The following CENPQ variants were observed in gnomAD, a reference collection of about 807,000 sequenced individuals.
CENPQ encodes chromosome 6 open reading frame 139.
In CENPQ, 27 loss-of-function variants were observed where a neutral mutation model predicts 36.6. The ratio of observed to expected loss-of-function variants is 0.74; its 90% CI spans 0.54 to 1.02. The LOEUF (loss-of-function observed/expected upper bound fraction) is 1.02. CENPQ is among the 50% of genes least tolerant of loss of function. CENPQ has a pLI of 0.00. For synonymous variants in CENPQ, 101 were observed against 101.7 expected, an observed-to-expected ratio of 0.99 and a Z score of 0.04; for missense variants, 306 against 301.8, an observed-to-expected ratio of 1.01 and a Z score of -0.10.
chr6:49,487,168 A>AAAAAAAAAAAAAAGATGGTCCTGGGTTG (rs541811843), intron 6 of CENPQ, among the ~76,000 whole-genome samples: 1 of 72,214 alleles, frequency 1.4e-5, no homozygotes, highest in African/African-American at 4.7e-5. Context: ...AAAAAAAAAA[A>AAAAAAAAAAAAAAGATGGTCCTGGGTTG]ATAAAAAAAA....
intron 6 of CENPQ, among the ~76,000 whole-genome samples, chr6:49,484,354 C>A (rs1768527906): frequency 6.6e-6 from 1 of 152,230 alleles, no homozygotes; most frequent in Non-Finnish European, 1.5e-5. Flanking sequence ...GATTCTTGAT[C>A]ACTATGTTGT....
At chr6:49,479,236 A>G (rs1768372943) in intron 5 of CENPQ, among the ~76,000 whole-genome samples, 2 of 152,108 alleles carry the variant, frequency 1.3e-5, no homozygotes, top group Admixed American at 6.6e-5. Context: ...AATGCATCAA[A>G]CAAAGGTCTG....
intron 1 of CENPQ, among the ~76,000 whole-genome samples, chr6:49,466,855 T>C (rs1203403016): frequency 2.0e-5 from 3 of 152,182 alleles, no homozygotes; most frequent in Non-Finnish European, 4.4e-5. Flanking sequence ...AGATATACAG[T>C]TAATTAAGTG....
chr6:49,474,000 G>T (rs1768211676), intron 5 of CENPQ, among the ~76,000 whole-genome samples: 1 of 152,140 alleles, frequency 6.6e-6, no homozygotes, highest in South Asian at 2.1e-4. Flanking sequence ...TAATACAGGA[G>T]CACCCAGATT....
intron 5 of CENPQ, among the ~76,000 whole-genome samples, chr6:49,474,277 CCT>C (rs1443157060): frequency 1.3e-5 from 2 of 152,154 alleles, no homozygotes; most frequent in Admixed American, 6.5e-5. Context: ...GTGAAGCACT[CCT>C]CAGCAAATGC....
intron 6 of CENPQ, among the ~76,000 whole-genome samples, chr6:49,483,785 G>A (rs2501961): frequency 0.63 from 96,370 of 152,118 alleles, 30,762 homozygotes; most frequent in East Asian, 0.78. Flanking sequence ...CCCGGTTCCC[G>A]CTCGCGCCTC....
At chr6:49,476,855 C>G (rs1047158751) in intron 5 of CENPQ, among the ~76,000 whole-genome samples, 5 of 152,186 alleles carry the variant, frequency 3.3e-5, no homozygotes, top group Non-Finnish European at 5.9e-5. Context: ...AAACGCAAAT[C>G]AAAACCACAA....
At chr6:49,479,832 G>C (rs1464587544) in intron 5 of CENPQ, among the ~76,000 whole-genome samples, 1 of 152,172 alleles carries the variant, frequency 6.6e-6, no homozygotes, top group African/African-American at 2.4e-5. Flanking sequence ...AACACGGTTG[G>C]AGCTAGAGGT....
chr6:49,470,037 T>TAA (rs368380826), intron 1 of CENPQ, 122 bp from the exon 2 acceptor site: 1,000 of 399,838 alleles, frequency 2.5e-3, no homozygotes, highest in South Asian at 3.7e-3. Flanking sequence ...GATTTTTCTT[T>TAA]AAAAAAAAAA....
chr6:49,492,979 TAAG>T lies in CENPQ; in HGVS notation c.*705_*707del, dbSNP rs971057961. On this transcript the variant is annotated 3_prime_UTR_variant, in exon 9 of 9. Coordinates refer to ENST00000335783, the MANE Select transcript of CENPQ (RefSeq NM_018132.4). ...TATAAACCTTTTCTTATTATGATAA[TAAG>T]CTTATATATGTGAATAAGTTATAAC... The T allele has an allele frequency of 6.6e-6, 1 of 151,780 alleles. No individual in the cohort carries two copies. The highest frequency in any genetic ancestry group is 1.5e-5 in the Non-Finnish European group (1 of 67,904). The allele number at this position is 151,780 out of a possible 1,614,324, so 9.4% of individuals were successfully genotyped here. A position where few individuals can be genotyped will look rare whatever the true frequency, so the allele number is the denominator to read the frequency against.
chr6:49,478,524 G>C (rs1319648728), intron 5 of CENPQ, among the ~76,000 whole-genome samples: 1 of 151,904 alleles, frequency 6.6e-6, no homozygotes, highest in Admixed American at 6.6e-5. Flanking sequence ...TTAGTTTTCA[G>C]TTCTTACTAG....
In CENPQ at chr6:49,470,207, A is replaced by C; in HGVS notation, c.31A>C (p.Asn11His). MSGKANASKK[N>H]AQQLKRNPKR... ...TGGTAAAGCAAATGCTTCCAAGAAA[A>C]ACGCTCAACAGTTAAAAAGAAATCC... Residue 11 changes from asparagine to histidine, a missense_variant, in exon 2 of 9, where the codon AAC becomes CAC. Asn to His is a moderately conservative substitution (Grantham distance 68). Coordinates refer to ENST00000335783, the MANE Select transcript of CENPQ (RefSeq NM_018132.4). 1 of 1,611,296 alleles carries C rather than the reference A, an allele frequency of 6.2e-7. No individual in the cohort carries two copies. Among genetic ancestry groups the C allele is most frequent in the Non-Finnish European group, 8.5e-7 (1 of 1,178,362 alleles).
chr6:49,466,098 C>T (rs977321166), intron 1 of CENPQ, among the ~76,000 whole-genome samples: 23 of 152,220 alleles, frequency 1.5e-4, no homozygotes, highest in Admixed American at 1.3e-4. Flanking sequence ...ATCATTGTGT[C>T]TCAGGGAATA....
chr6:49,476,840 C>G (rs1204839233), intron 5 of CENPQ, among the ~76,000 whole-genome samples: 1 of 152,186 alleles, frequency 6.6e-6, no homozygotes, highest in Non-Finnish European at 1.5e-5. Context: ...CACTGGCCAT[C>G]AGAGAAACGC....
chr6:49,483,892 T>G (rs1415230726), intron 6 of CENPQ, among the ~76,000 whole-genome samples: 1 of 152,216 alleles, frequency 6.6e-6, no homozygotes, highest in Non-Finnish European at 1.5e-5. Flanking sequence ...GAAGGGCTCC[T>G]CAAGTGCCGC....
In CENPQ at chr6:49,493,051, C is replaced by G. The variant is rs1768764265; in HGVS notation, c.*776C>G. Reference sequence around the variant, plus strand: ...TTTCTAACAAACTACAGTATACTGTCTTGGGTTTTTTTTTTTTTTTTTAGT... The same window carrying G: ...TTTCTAACAAACTACAGTATACTGTGTTGGGTTTTTTTTTTTTTTTTTAGT... On this transcript the variant is annotated 3_prime_UTR_variant, in exon 9 of 9. Transcript: ENST00000335783. The G allele has an allele frequency of 9.7e-6, 1 of 103,270 alleles. No individual in the cohort carries two copies. The highest frequency in any genetic ancestry group is 3.2e-5 in the African/African-American group (1 of 30,842). 6.4% of individuals were successfully genotyped at this position (103,270 alleles called of 1,614,324 possible). A position where few individuals can be genotyped will look rare whatever the true frequency, so the allele number is the denominator to read the frequency against.
At position 49,466,465 on chromosome 6, in the gene CENPQ, G is replaced by A. The variant is rs778128376; in HGVS notation, c.-19+3012G>A. ...AATAAAGTGAAACACAATAAAAAGA[G>A]TTATGCCTGTACATTCTTACCCATA... On this transcript the variant is annotated intron_variant, in intron 1 of 8. Coordinates refer to ENST00000335783, the MANE Select transcript of CENPQ (RefSeq NM_018132.4). Among the ~76,000 whole-genome samples the A allele has an allele frequency of 1.3e-5, 2 of 152,204 alleles. 1 individual carries two copies. Among genetic ancestry groups the A allele is most frequent in the Non-Finnish European group, 2.9e-5 (2 of 68,036 alleles).
chr6:49,466,292 G>T (rs1437734315), intron 1 of CENPQ, among the ~76,000 whole-genome samples: 1 of 152,208 alleles, frequency 6.6e-6, no homozygotes, highest in Non-Finnish European at 1.5e-5. Context: ...TTGAAATATT[G>T]TGAGAGTTAT....
At position 49,473,009 on chromosome 6, in the gene CENPQ, A is replaced by T. The variant is rs548039037; in HGVS notation, c.347+151A>T. ...TGGAAGTATGTTTTCTCTTTTTTCT[A>T]AACTGCTGCTCCACATGTTTCTCAA... On this transcript the variant is annotated intron_variant, in intron 5 of 8. Coordinates refer to ENST00000335783, the MANE Select transcript of CENPQ (RefSeq NM_018132.4). The T allele has an allele frequency of 6.1e-6, 3 of 494,474 alleles. No homozygotes were observed. The East Asian group carries it at 1.3e-4, about 22-fold the overall frequency. 30.6% of individuals were successfully genotyped at this position (494,474 alleles called of 1,614,324 possible). A position where few individuals can be genotyped will look rare whatever the true frequency, so the allele number is the denominator to read the frequency against.
Sources: gnomAD v4.1 joint callset for allele counts (sites outside exome capture counted in the v4.1 genomes callset) on GRCh38, gnomAD v4.1.1 for gene constraint, MANE v1.5 for transcripts, NCBI Gene and HGNC (gene_info 2026-07-23, HGNC 2026-07-21) for gene names.